NAPG: variants seen among roughly 807,000 people sequenced by gnomAD.
The protein encoded by NAPG is NSF attachment protein gamma.
Under a neutral mutation model 48.4 loss-of-function variants are expected in NAPG, and 25 were observed. The ratio of observed to expected loss-of-function variants is 0.52; its 90% CI spans 0.38 to 0.72. The LOEUF is 0.72. NAPG is among the 30% of genes least tolerant of loss of function. The pLI is 0.00. For synonymous variants in NAPG, 139 were observed against 127.2 expected, an observed-to-expected ratio of 1.09 and a Z score of -0.62; for missense variants, 359 against 372.5, an observed-to-expected ratio of 0.96 and a Z score of 0.30.
In NAPG at chr18:10,526,066, G is replaced by C; in HGVS notation, c.-37G>C. Reference sequence around the variant, plus strand: ...TCTTGGCGCCGGAGGAAGAGGCAGGGTCACCCTCTCTCCACGTCAGAGACC... The same window carrying C: ...TCTTGGCGCCGGAGGAAGAGGCAGGCTCACCCTCTCTCCACGTCAGAGACC... On this transcript the variant is annotated 5_prime_UTR_variant, in exon 1 of 12. Coordinates refer to ENST00000322897, the MANE Select transcript of NAPG (RefSeq NM_003826.3). The C allele has an allele frequency of 6.2e-7, 1 of 1,603,666 alleles. No homozygotes were observed. Among genetic ancestry groups the C allele is most frequent in the African/African-American group, 1.3e-5 (1 of 74,870 alleles).
rs551658913 is a variant in NAPG at position 10,552,613 on chromosome 18, A to G, written c.*2393A>G. On this transcript the variant is annotated 3_prime_UTR_variant, in exon 12 of 12. Transcript: ENST00000322897. ...TTTAATATATTGAATTTATTTGTAC[A>G]TATGCAGAGTACGGTATTTCTGTAT... is the stretch of plus-strand genomic sequence containing the variant. 4 of 152,358 alleles carry G rather than the reference A, an allele frequency of 2.6e-5. No individual in the cohort carries two copies. The East Asian group carries it at 7.7e-4, about 29-fold the overall frequency. The allele number at this position is 152,358 out of a possible 1,614,324, so 9.4% of individuals were successfully genotyped here.
At chr18:10,528,000 A>G (rs1419947347) in intron 1 of NAPG, among the ~76,000 whole-genome samples, 1 of 152,172 alleles carries the variant, frequency 6.6e-6, no homozygotes, top group African/African-American at 2.4e-5. Flanking sequence ...AGCCTGGCCA[A>G]CATGGTGAAA....
In NAPG at chr18:10,548,287, CTT is replaced by C. The variant is rs1243648338; in HGVS notation, c.586-9_586-8del. On this transcript the variant is annotated splice_polypyrimidine_tract_variant and intron_variant, in intron 9 of 11. Coordinates refer to ENST00000322897, the MANE Select transcript of NAPG (RefSeq NM_003826.3). The surrounding 1 kb of genome is among the most constrained non-coding windows in gnomAD (Gnocchi z 4.4). ...GATGTAAATTTGACCATGATCCTCT[CTT>C]TTGTTTTAGAAAACAATTGCTCAAG... 2.5e-6 allele frequency: 4 copies of C among 1,603,344 alleles called. No individual in the cohort carries two copies. In the African/African-American group the frequency reaches 4.0e-5, roughly 16 times the overall value.
In NAPG at chr18:10,551,242, A is replaced by C. The variant is rs535318603; in HGVS notation, c.*1022A>C. On this transcript the variant is annotated 3_prime_UTR_variant, in exon 12 of 12. Transcript: ENST00000322897. ...ATAAGCCACCTCACCCAGCCTATGAATATCTTTCTAACATTGTAAGAATGA... is the reference window on the plus strand; with the variant it reads ...ATAAGCCACCTCACCCAGCCTATGACTATCTTTCTAACATTGTAAGAATGA... 5 of 151,992 alleles carry C rather than the reference A, an allele frequency of 3.3e-5. No homozygotes were observed. Among genetic ancestry groups the C allele is most frequent in the Admixed American group, 2.6e-4 (4 of 15,252 alleles). 9.4% of individuals were successfully genotyped at this position (151,992 alleles called of 1,614,324 possible).
In NAPG at chr18:10,542,631, G is replaced by C. The variant is rs1180486861; in HGVS notation, c.506+2232G>C. On this transcript the variant is annotated intron_variant, in intron 8 of 11. Transcript: ENST00000322897. This position sits in a 1 kb window ranked among gnomAD's most constrained non-coding sequence, Gnocchi z 4.5. ...TTCACACAAGCAACATCTACTAATAGACTGTGTGGCATGGAGTCTAAAGTT... is the reference window on the plus strand; with the variant it reads ...TTCACACAAGCAACATCTACTAATACACTGTGTGGCATGGAGTCTAAAGTT... Among the ~76,000 whole-genome samples, 3 of 151,730 alleles carry C rather than the reference G, an allele frequency of 2.0e-5. No individual in the cohort carries two copies. Among genetic ancestry groups the C allele is most frequent in the Admixed American group, 2.0e-4 (3 of 15,264 alleles).
rs937054937 is a variant in NAPG at position 10,526,093 on chromosome 18, G to A, written c.-10G>A. The stretch of plus-strand genomic sequence containing the variant: ...CACCCTCTCTCCACGTCAGAGACCT[G>A]ACTGTGGAGATGGCGGCTCAGAAGA... On this transcript the variant is annotated 5_prime_UTR_variant, in exon 1 of 12. Transcript: ENST00000322897. The A allele has an allele frequency of 1.2e-6, 2 of 1,612,852 alleles. No homozygotes were observed. The highest frequency in any genetic ancestry group is 8.5e-7 in the Non-Finnish European group (1 of 1,178,958).
chr18:10,528,640 G>C (rs1187709378), intron 1 of NAPG, among the ~76,000 whole-genome samples: 1 of 152,216 alleles, frequency 6.6e-6, no homozygotes, highest in African/African-American at 2.4e-5. Context: ...ATGCTTTAAT[G>C]AGGTGCCTGC....
chr18:10,532,819 G>A (rs762478301), intron 3 of NAPG, 24 bp downstream of exon 3: 88 of 1,505,316 alleles, frequency 5.8e-5, no homozygotes, highest in Non-Finnish European at 7.3e-5. Context: ...CTTTTAAAAA[G>A]AAATTAAACA....
At chr18:10,545,267 T>G (rs1245975830) in intron 8 of NAPG, among the ~76,000 whole-genome samples, 1 of 152,030 alleles carries the variant, frequency 6.6e-6, no homozygotes, top group Non-Finnish European at 1.5e-5. Flanking sequence ...AGCCGAGATG[T>G]CGCCACTGCA....
rs1482687078 is a variant in NAPG, at chr18:10,534,202, A to G, written c.228-264A>G. Among the ~76,000 whole-genome samples, 2 of 152,216 alleles carry G rather than the reference A, an allele frequency of 1.3e-5. No individual in the cohort carries two copies. The highest frequency in any genetic ancestry group is 2.4e-5 in the African/African-American group (1 of 41,464). On this transcript the variant is annotated intron_variant, in intron 4 of 11. Transcript: ENST00000322897. This position sits in a 1 kb window ranked among gnomAD's most constrained non-coding sequence, Gnocchi z 5.0. ...GTTTAGGTTTGTCAGATGGAAATTA[A>G]TTTAACCTTACTGAGCCTTACTTAA...
rs2032362150 is a variant in NAPG at position 10,550,335 on chromosome 18, C to A, written c.*115C>A. On this transcript the variant is annotated 3_prime_UTR_variant, in exon 12 of 12. Coordinates refer to ENST00000322897, the MANE Select transcript of NAPG (RefSeq NM_003826.3). ...CTTCATTACAGTCATGATTTTGGAT[C>A]CTAATAAAGACTAGTTTTTAGTTAC... 1.7e-6 allele frequency: 2 copies of A among 1,184,724 alleles called. No homozygotes were observed. The highest frequency in any genetic ancestry group is 2.3e-6 in the Non-Finnish European group (2 of 881,320). The allele number at this position is 1,184,724 out of a possible 1,614,324, so 73.4% of individuals were successfully genotyped here.
chr18:10,530,693 A>G (rs1221266931), intron 1 of NAPG, 77 bp from the exon 2 acceptor site: 1 of 785,414 alleles, frequency 1.3e-6, no homozygotes, highest in Non-Finnish European at 1.8e-6. Flanking sequence ...TTAAAGACCT[A>G]GAAGGTCATT....
At chr18:10,530,293 GGATCT>G (rs2031903751) in intron 1 of NAPG, among the ~76,000 whole-genome samples, 1 of 147,676 alleles carries the variant, frequency 6.8e-6, no homozygotes, top group African/African-American at 2.6e-5. Flanking sequence ...TCTCACTAGG[GGATCT>G]GATCTCATCT....
In NAPG at chr18:10,552,172, CTT is replaced by C. The variant is rs1007559501; in HGVS notation, c.*1953_*1954del. The C allele has an allele frequency of 1.3e-4, 20 of 152,292 alleles. No individual in the cohort carries two copies. The highest frequency in any genetic ancestry group is 2.4e-4 in the Non-Finnish European group (16 of 68,026). 9.4% of individuals were successfully genotyped at this position (152,292 alleles called of 1,614,324 possible). A position where few individuals can be genotyped will look rare whatever the true frequency, so the allele number is the denominator to read the frequency against. On this transcript the variant is annotated 3_prime_UTR_variant, in exon 12 of 12. Transcript: ENST00000322897. The stretch of plus-strand genomic sequence containing the variant: ...GGGGAAAAAATTTTTTAATTTTACT[CTT>C]CTTATGTACTGAAAACTTTTTTTAA...
chr18:10,539,698 G>A lies in NAPG; in HGVS notation c.259-64G>A. 1 of 1,262,772 alleles carries A rather than the reference G, an allele frequency of 7.9e-7. No individual in the cohort carries two copies. The highest frequency in any genetic ancestry group is 1.1e-6 in the Non-Finnish European group (1 of 871,270). The allele number at this position is 1,262,772 out of a possible 1,614,324, so 78.2% of individuals were successfully genotyped here. A position where few individuals can be genotyped will look rare whatever the true frequency, so the allele number is the denominator to read the frequency against. On this transcript the variant is annotated intron_variant, in intron 5 of 11. Transcript: ENST00000322897. This position sits in a 1 kb window ranked among gnomAD's most constrained non-coding sequence, Gnocchi z 4.7. Reference sequence around the variant, plus strand: ...ATAAAAAATAATTGCATTTCAGATTGTTAACTCTGTTTTTCTTTAATTGAT... The same window carrying A: ...ATAAAAAATAATTGCATTTCAGATTATTAACTCTGTTTTTCTTTAATTGAT...
At chr18:10,530,020 G>GA (rs1255899567) in intron 1 of NAPG, among the ~76,000 whole-genome samples, 1 of 151,992 alleles carries the variant, frequency 6.6e-6, no homozygotes, top group Non-Finnish European at 1.5e-5. Flanking sequence ...TTTAAAATAA[G>GA]AAAATAAATA....
At chr18:10,532,045 T>G (rs1270631845) in intron 2 of NAPG, among the ~76,000 whole-genome samples, 1 of 152,204 alleles carries the variant, frequency 6.6e-6, no homozygotes, top group Non-Finnish European at 1.5e-5. Context: ...TGCTTTTTGC[T>G]TCTTTGTAAG....
chr18:10,548,480 T>A lies in NAPG; in HGVS notation c.665+102T>A. 1.1e-6 allele frequency: 1 copy of A among 948,922 alleles called. No individual in the cohort carries two copies. Among genetic ancestry groups the A allele is most frequent in the Non-Finnish European group, 1.7e-6 (1 of 604,936 alleles). 58.8% of individuals were successfully genotyped at this position (948,922 alleles called of 1,614,324 possible). A position where few individuals can be genotyped will look rare whatever the true frequency, so the allele number is the denominator to read the frequency against. ...CATGTTCCTGGCCATGAAACTGTCA[T>A]TTCTAAATCTTAGGAGTGCTCATCT... On this transcript the variant is annotated intron_variant, in intron 10 of 11. Coordinates refer to ENST00000322897, the MANE Select transcript of NAPG (RefSeq NM_003826.3). This position sits in a 1 kb window ranked among gnomAD's most constrained non-coding sequence, Gnocchi z 4.4.
chr18:10,532,702 C>A lies in NAPG; in HGVS notation c.125-9C>A, dbSNP rs1184204152. On this transcript the variant is annotated splice_polypyrimidine_tract_variant and intron_variant, in intron 2 of 11. Coordinates refer to ENST00000322897, the MANE Select transcript of NAPG (RefSeq NM_003826.3). ...TGATGGAAATAGTCAATTTTTTTTT[C>A]TATTTCAGCTGTTGCTTTTAAAAAT... is the stretch of plus-strand genomic sequence containing the variant. The A allele has an allele frequency of 1.3e-6, 2 of 1,546,444 alleles. No individual in the cohort carries two copies. The highest frequency in any genetic ancestry group is 2.4e-5 in the East Asian group (1 of 42,286).
Sources: allele counts gnomAD v4.1 joint callset (sites outside exome capture counted in the v4.1 genomes callset), GRCh38; gene constraint gnomAD v4.1.1; non-coding constraint Gnocchi (gnomAD v3.1); transcripts MANE v1.5; gene names NCBI Gene and HGNC (gene_info 2026-07-23, HGNC 2026-07-21).